The following PCMT1 variants were observed in gnomAD, a reference collection of about 807,000 sequenced individuals.
The protein encoded by PCMT1 is protein-L-isoaspartate(D-aspartate) O-methyltransferase.
In PCMT1, 9 loss-of-function variants were observed where a neutral mutation model predicts 29.2. The observed-to-expected ratio is 0.31, with a 90% CI of 0.19 to 0.54. The LOEUF (loss-of-function observed/expected upper bound fraction) is 0.54. Ranked by LOEUF, PCMT1 falls within the 20% of genes least tolerant of loss-of-function variation. PCMT1 has a pLI of 0.95. For missense variants in PCMT1, 184 were observed against 282.2 expected, an observed-to-expected ratio of 0.65 and a Z score of 2.49; for synonymous variants, 98 against 97.5, an observed-to-expected ratio of 1.00 and a Z score of -0.03.
In PCMT1 at chr6:149,758,208, C is replaced by CTTTCTTTT. The variant is rs1554251094; in HGVS notation, c.55+8255_55+8256insCTTTTTTT. On this transcript the variant is annotated intron_variant, in intron 1 of 7. Coordinates refer to ENST00000464889, the MANE Select transcript of PCMT1 (RefSeq NM_001360452.2). ...CAATTTTTTTTTTCTTTCTTTCTTTCTTTTTTTTTTTTTTTTTTCTGAGAC... is the reference window on the plus strand; with the variant it reads ...CAATTTTTTTTTTCTTTCTTTCTTTCTTTCTTTTTTTTTTTTTTTTTTTTTTCTGAGAC... Among the ~76,000 whole-genome samples the CTTTCTTTT allele has an allele frequency of 1.1e-3, 79 of 73,896 alleles. 4 individuals are homozygous for CTTTCTTTT. Among genetic ancestry groups the CTTTCTTTT allele is most frequent in the Middle Eastern group, 8.3e-3 (1 of 120 alleles). 48.5% of individuals were successfully genotyped at this position (73,896 alleles called of 152,430 possible).
At chr6:149,766,553 C>T (rs1414305988) in intron 1 of PCMT1, among the ~76,000 whole-genome samples, 5 of 152,214 alleles carry the variant, frequency 3.3e-5, no homozygotes, top group African/African-American at 4.8e-5. Context: ...AAAATTTGGC[C>T]TGCTGCCTGG....
Position 149,789,100 on chromosome 6 carries a change from G to GTCTC in PCMT1, c.193-853_193-850dup, listed in dbSNP as rs1412381147. 3.3e-5 allele frequency among the ~76,000 whole-genome samples: 4 copies of GTCTC among 123,030 alleles called. No individual in the cohort carries two copies. In the South Asian group the frequency reaches 1.0e-3, roughly 31 times the overall value. The allele number at this position is 123,030 out of a possible 152,430, so 80.7% of individuals were successfully genotyped here. A position where few individuals can be genotyped will look rare whatever the true frequency, so the allele number is the denominator to read the frequency against. ...TTTTTTTTTTTTTTTTTGAGATGGAGTCTCGCTCTGTTACAGCCCAGGCTG... is the reference window on the plus strand; with the variant it reads ...TTTTTTTTTTTTTTTTTGAGATGGAGTCTCTCTCGCTCTGTTACAGCCCAGGCTG... On this transcript the variant is annotated intron_variant, in intron 3 of 7. Transcript: ENST00000464889.
At chr6:149,776,630 C>T (rs1787582664) in intron 3 of PCMT1, among the ~76,000 whole-genome samples, 1 of 152,014 alleles carries the variant, frequency 6.6e-6, no homozygotes, top group Non-Finnish European at 1.5e-5. Flanking sequence ...CCAGGTTGGT[C>T]GTGAACTCCT....
chr6:149,765,228 C>T (rs1787030323), intron 1 of PCMT1, among the ~76,000 whole-genome samples: 2 of 148,936 alleles, frequency 1.3e-5, no homozygotes, highest in Admixed American at 6.8e-5. Flanking sequence ...GGTGTGGTGG[C>T]GGGTGCCTGT....
Position 149,778,643 on chromosome 6 carries a change from T to A in PCMT1, c.192+5474T>A, listed in dbSNP as rs562197751. ...GCCGAGACCTGCTGAGCTTAAAAGA[T>A]CCTCCCACCTTAGCCTCCTGAGTAG... On this transcript the variant is annotated intron_variant, in intron 3 of 7. Coordinates refer to ENST00000464889, the MANE Select transcript of PCMT1 (RefSeq NM_001360452.2). Among the ~76,000 whole-genome samples the A allele has an allele frequency of 2.0e-5, 3 of 152,220 alleles. No individual in the cohort carries two copies. In the East Asian group the frequency reaches 5.8e-4, roughly 29 times the overall value.
chr6:149,750,541 C>A (rs1481085676), intron 1 of PCMT1, among the ~76,000 whole-genome samples: 1 of 152,108 alleles, frequency 6.6e-6, no homozygotes, highest in African/African-American at 2.4e-5. Flanking sequence ...GGAGAAATTT[C>A]TCGGGCGGCT....
chr6:149,762,503 T>TATATATATCTCTATG (rs1786783242), intron 1 of PCMT1, among the ~76,000 whole-genome samples: 1 of 82,932 alleles, frequency 1.2e-5, no homozygotes, highest in Non-Finnish European at 2.0e-5. Context: ...ATCTATGATA[T>TATATATATCTCTATG]ATATATATAT....
Position 149,802,414 on chromosome 6 carries a change from A to T in PCMT1, c.*35A>T, listed in dbSNP as rs1562425288. ...CTGCTCTTTCTTCTTCCACACATGC[A>T]AGGTGAAAGGGTGTGGATTTTAAGA... On this transcript the variant is annotated splice_region_variant and 3_prime_UTR_variant, in exon 7 of 8. Coordinates refer to ENST00000464889, the MANE Select transcript of PCMT1 (RefSeq NM_001360452.2). 1 of 1,582,278 alleles carries T rather than the reference A, an allele frequency of 6.3e-7. No individual in the cohort carries two copies. The highest frequency in any genetic ancestry group is 8.6e-7 in the Non-Finnish European group (1 of 1,161,266).
intron 7 of PCMT1, among the ~76,000 whole-genome samples, chr6:149,808,463 T>A (rs1776071234): frequency 6.6e-6 from 1 of 152,116 alleles, no homozygotes; most frequent in Non-Finnish European, 1.5e-5. Flanking sequence ...TGTTTTTCCC[T>A]AGCACCTCTA....
At chr6:149,791,050 G>C (rs112006828) in intron 4 of PCMT1, among the ~76,000 whole-genome samples, 465 of 152,132 alleles carry the variant, frequency 3.1e-3, no homozygotes, top group Non-Finnish European at 5.3e-3. Context: ...TGGAGAGGGG[G>C]TCAGGCTTAG....
At chr6:149,798,711 G>A (rs1788710028) in intron 6 of PCMT1, among the ~76,000 whole-genome samples, 1 of 152,216 alleles carries the variant, frequency 6.6e-6, no homozygotes. Context: ...GCTGACCCAG[G>A]AGGGTAGAGG....
At chr6:149,793,755 ATTAT>A (rs1788483368) in intron 5 of PCMT1, 86 bp downstream of exon 5, 1 of 1,164,406 alleles carries the variant, frequency 8.6e-7, no homozygotes, top group African/African-American at 1.6e-5. Flanking sequence ...CTCAGAGGTA[ATTAT>A]TGTATTTTTT....
chr6:149,757,179 A>G (rs770483678), intron 1 of PCMT1, among the ~76,000 whole-genome samples: 1 of 152,138 alleles, frequency 6.6e-6, no homozygotes, highest in African/African-American at 2.4e-5. Flanking sequence ...AAATAAAATT[A>G]AAAATTTATA....
At chr6:149,796,118 G>A in intron 5 of PCMT1, 1 of 232,792 alleles carries the variant, frequency 4.3e-6, no homozygotes, top group Non-Finnish European at 8.4e-6. Flanking sequence ...TGGATCACCT[G>A]AGGTCAGGAG....
At chr6:149,759,364 G>C (rs1786652064) in intron 1 of PCMT1, among the ~76,000 whole-genome samples, 1 of 152,134 alleles carries the variant, frequency 6.6e-6, no homozygotes, top group South Asian at 2.1e-4. Context: ...GGGGTAGATG[G>C]TTAACAGCTA....
chr6:149,750,127 G>A, intron 1 of PCMT1, 171 bp downstream of exon 1: 1 of 910,432 alleles, frequency 1.1e-6, no homozygotes, highest in Non-Finnish European at 1.6e-6. Context: ...GCCTCCCTCG[G>A]GACCTGTCAC....
At chr6:149,760,558 A>C (rs921059874) in intron 1 of PCMT1, among the ~76,000 whole-genome samples, 1 of 152,110 alleles carries the variant, frequency 6.6e-6, no homozygotes, top group Non-Finnish European at 1.5e-5. Flanking sequence ...CATTCCTTTT[A>C]AGAGCATGAT....
At chr6:149,790,959 T>G (rs1468004151) in intron 4 of PCMT1, among the ~76,000 whole-genome samples, 1 of 152,082 alleles carries the variant, frequency 6.6e-6, no homozygotes, top group Admixed American at 6.6e-5. Flanking sequence ...TAAGCCTTGA[T>G]TGCACCACTG....
intron 6 of PCMT1, 125 bp downstream of exon 6, chr6:149,796,625 C>T (rs1343733392): frequency 1.6e-6 from 1 of 607,980 alleles, no homozygotes; most frequent in Non-Finnish European, 2.8e-6. Context: ...ATTTTGGTTA[C>T]ATTTAGCTGT....
Sources: allele counts gnomAD v4.1 joint callset (sites outside exome capture counted in the v4.1 genomes callset), GRCh38; gene constraint gnomAD v4.1.1; transcripts MANE v1.5; gene names NCBI Gene and HGNC (gene_info 2026-07-23, HGNC 2026-07-21).